GRIN2A: variants seen among roughly 807,000 people sequenced by gnomAD.
GRIN2A encodes glutamate receptor ionotropic, NMDA 2A.
GRIN2A carries 22 observed loss-of-function variants against 113.4 expected under a neutral mutation model. The observed-to-expected ratio is 0.19, with a 90% CI of 0.14 to 0.28. The LOEUF is 0.28. Ranked by LOEUF, GRIN2A falls within the 10% of genes least tolerant of loss-of-function variation. The pLI is 1.00. For missense variants in GRIN2A, 1,502 were observed against 1,887.0 expected, an observed-to-expected ratio of 0.80 and a Z score of 3.78; for synonymous variants, 827 against 738.4, an observed-to-expected ratio of 1.12 and a Z score of -1.94.
chr16:9,973,585 A>T (rs2045715963), intron 2 of GRIN2A, among the ~76,000 whole-genome samples: 1 of 152,216 alleles, frequency 6.6e-6, no homozygotes. Flanking sequence ...AAAGAACCCC[A>T]AATAGGACAA....
At position 9,829,435 on chromosome 16, in the gene GRIN2A, G is replaced by A; in HGVS notation, c.1995C>T (p.Leu665=). 6.2e-7 allele frequency: 1 copy of A among 1,612,140 alleles called. No homozygotes were observed. The highest frequency in any genetic ancestry group is 2.2e-5 in the East Asian group (1 of 44,806). The change falls in exon 9 of 13, where the codon CTC becomes CTT. Residue 665 remains leucine, a synonymous_variant. Transcript: ENST00000330684. ...QEEFVDQVTG[L]SDKKFQRPHD... ...AAGGTGACCTTACCTTTTTGTCACT[G>A]AGGCCGGTCACTTGGTCCACAAATT...
At chr16:9,877,633 T>C (rs1458776695) in intron 4 of GRIN2A, among the ~76,000 whole-genome samples, 1 of 117,484 alleles carries the variant, frequency 8.5e-6, no homozygotes, top group Non-Finnish European at 1.7e-5. Flanking sequence ...TCTCCCCAGT[T>C]CCGTCTTCCT....
In GRIN2A at chr16:9,762,571, T is replaced by A. The variant is rs1319739494; in HGVS notation, c.*578A>T. 1 of 232,118 alleles carries A rather than the reference T, an allele frequency of 4.3e-6. No individual in the cohort carries two copies. Among genetic ancestry groups the A allele is most frequent in the Admixed American group, 5.4e-5 (1 of 18,554 alleles). The allele number at this position is 232,118 out of a possible 1,614,324, so 14.4% of individuals were successfully genotyped here. A position where few individuals can be genotyped will look rare whatever the true frequency, so the allele number is the denominator to read the frequency against. On this transcript the variant is annotated 3_prime_UTR_variant, in exon 13 of 13. Coordinates refer to ENST00000330684, the MANE Select transcript of GRIN2A (RefSeq NM_001134407.3). ...ATTCTTTAGGGGAGCCTGGAGTTCT[T>A]GGGGTGAGCCTGGGCTGTGATGGAA...
Position 9,922,212 on chromosome 16 carries a change from A to C in GRIN2A, c.1007+15747T>G, listed in dbSNP as rs148646328. Among the ~76,000 whole-genome samples the C allele has an allele frequency of 3.6e-3, 549 of 152,248 alleles. 3 individuals are homozygous for C. Among genetic ancestry groups the C allele is most frequent in the African/African-American group, 0.013 (526 of 41,534 alleles). On this transcript the variant is annotated intron_variant, in intron 3 of 12. Coordinates refer to ENST00000330684, the MANE Select transcript of GRIN2A (RefSeq NM_001134407.3). The stretch of plus-strand genomic sequence containing the variant: ...CTTTGTACAAAGGAGAAAAATAATT[A>C]CAAGTTAATGGCCTAAGTGATCTCC...
At chr16:9,842,764 C>T (rs2042702432) in intron 5 of GRIN2A, among the ~76,000 whole-genome samples, 1 of 152,034 alleles carries the variant, frequency 6.6e-6, no homozygotes, top group African/African-American at 2.4e-5. Flanking sequence ...TGGAGAAACC[C>T]CATTTTTACT....
intron 11 of GRIN2A, among the ~76,000 whole-genome samples, chr16:9,784,033 C>G (rs1193450839): frequency 6.6e-6 from 1 of 152,042 alleles, no homozygotes; most frequent in Admixed American, 6.6e-5. Flanking sequence ...GGGCTTAATA[C>G]CTGGGTGATG....
At chr16:10,152,999 C>T (rs927570937) in intron 2 of GRIN2A, among the ~76,000 whole-genome samples, 1 of 151,994 alleles carries the variant, frequency 6.6e-6, no homozygotes, top group Non-Finnish European at 1.5e-5. Flanking sequence ...CTGTATGTCA[C>T]TATAGTGGTG....
intron 2 of GRIN2A, among the ~76,000 whole-genome samples, chr16:9,943,846 T>C (rs896013704): frequency 6.6e-6 from 1 of 152,210 alleles, no homozygotes; most frequent in African/African-American, 2.4e-5. Flanking sequence ...GCAAGTCTGA[T>C]TGAAAGGGAA....
chr16:9,920,835 C>T (rs1263641387), intron 3 of GRIN2A, among the ~76,000 whole-genome samples: 3 of 152,158 alleles, frequency 2.0e-5, no homozygotes, highest in Admixed American at 6.5e-5. Context: ...TCCAGGCAGA[C>T]AAGCCCATTA....
intron 2 of GRIN2A, among the ~76,000 whole-genome samples, chr16:10,173,749 C>A (rs1269850383): frequency 1.3e-5 from 2 of 152,106 alleles, no homozygotes; most frequent in African/African-American, 4.8e-5. Context: ...GTGGTATGAA[C>A]TGAACACTCT....
intron 5 of GRIN2A, among the ~76,000 whole-genome samples, chr16:9,842,703 A>C (rs2042701547): frequency 6.6e-6 from 1 of 152,194 alleles, no homozygotes. Context: ...TTGGGAAGCC[A>C]AGTTGGGTGG....
chr16:10,018,094 A>T (rs1262645819), intron 2 of GRIN2A, among the ~76,000 whole-genome samples: 2 of 152,174 alleles, frequency 1.3e-5, no homozygotes, highest in Admixed American at 1.3e-4. Context: ...TTCTACGATG[A>T]GAGTAGTTAC....
At chr16:9,980,400 T>C in intron 2 of GRIN2A, among the ~76,000 whole-genome samples, 1 of 152,138 alleles carries the variant, frequency 6.6e-6, no homozygotes, top group Non-Finnish European at 1.5e-5. Flanking sequence ...GACTGTAAAC[T>C]AGTTCAACCA....
chr16:9,878,097 T>C (rs1251347311), intron 4 of GRIN2A, among the ~76,000 whole-genome samples: 2 of 152,122 alleles, frequency 1.3e-5, no homozygotes, highest in East Asian at 3.9e-4. Context: ...AATGGAAAAC[T>C]AGCAAGGGTG....
chr16:10,148,979 C>T (rs541914726), intron 2 of GRIN2A, among the ~76,000 whole-genome samples: 83 of 152,306 alleles, frequency 5.4e-4, no homozygotes, highest in African/African-American at 1.9e-3. Context: ...GATAGACAAA[C>T]TTCACATGTT....
chr16:9,856,318 A>G (rs983039042), intron 4 of GRIN2A, among the ~76,000 whole-genome samples: 2 of 152,264 alleles, frequency 1.3e-5, no homozygotes, highest in East Asian at 1.9e-4. Context: ...AAAGGTTACA[A>G]CAAGGCCACA....
At chr16:9,781,220 T>C (rs1901916812) in intron 11 of GRIN2A, among the ~76,000 whole-genome samples, 2 of 152,174 alleles carry the variant, frequency 1.3e-5, no homozygotes, top group African/African-American at 4.8e-5. Flanking sequence ...ACATGAAACA[T>C]GAAATAACTT....
At position 10,055,004 on chromosome 16, in the gene GRIN2A, C is replaced by T. The variant is rs371403136; in HGVS notation, c.415-116453G>A. On this transcript the variant is annotated intron_variant, in intron 2 of 12. Transcript: ENST00000330684. The stretch of plus-strand genomic sequence containing the variant: ...CGGAGGTTGCAGTGAGCTGAGATCA[C>T]GCCATTGCACTCCAGCCCAGGCAAC... 8.2e-5 allele frequency among the ~76,000 whole-genome samples: 10 copies of T among 121,816 alleles called. No individual in the cohort carries two copies. In the South Asian group the frequency reaches 8.6e-4, roughly 11 times the overall value. The allele number at this position is 121,816 out of a possible 152,430, so 79.9% of individuals were successfully genotyped here.
chr16:10,050,788 T>C (rs1197727293), intron 2 of GRIN2A, among the ~76,000 whole-genome samples: 2 of 152,086 alleles, frequency 1.3e-5, no homozygotes, highest in Non-Finnish European at 2.9e-5. Context: ...CCAAAAAGAT[T>C]GAGGACCACT....
Sources: allele counts gnomAD v4.1 joint callset (sites outside exome capture counted in the v4.1 genomes callset), GRCh38; gene constraint gnomAD v4.1.1; transcripts MANE v1.5; gene names NCBI Gene and HGNC (gene_info 2026-07-23, HGNC 2026-07-21).